Variants in DOCK9 observed in about 807,000 individuals in gnomAD.
DOCK9 encodes the protein dedicator of cytokinesis protein 9.
A neutral mutation model predicts 263.3 loss-of-function variants in DOCK9; 89 were observed. The ratio of observed to expected loss-of-function variants is 0.34; its 90% CI spans 0.28 to 0.40. The LOEUF (loss-of-function observed/expected upper bound fraction) is 0.40. Among genes scored for constraint, DOCK9 ranks in the 10% least tolerant of loss-of-function variants. The pLI, the probability that DOCK9 is intolerant of heterozygous loss-of-function variation, is 1.00. For synonymous variants in DOCK9, 976 were observed against 973.1 expected, an observed-to-expected ratio of 1.00 and a Z score of -0.06; for missense variants, 2,140 against 2,603.4, an observed-to-expected ratio of 0.82 and a Z score of 3.87.
chr13:98,875,419 T>C (rs1365165179), intron 27 of DOCK9, among the ~76,000 whole-genome samples: 1 of 152,254 alleles, frequency 6.6e-6, no homozygotes, highest in East Asian at 1.9e-4. Context: ...AGTTCTTTTC[T>C]TTTTCAATTT....
intron 6 of DOCK9, among the ~76,000 whole-genome samples, chr13:98,921,568 C>T (rs1364216759): frequency 3.9e-5 from 6 of 152,146 alleles, no homozygotes; most frequent in Admixed American, 2.6e-4. Flanking sequence ...CCTGATGTTC[C>T]TCTGGTCCCA....
In DOCK9 at chr13:98,837,576, T is replaced by A; in HGVS notation, c.4232A>T (p.Gln1411Leu). 2 of 1,613,776 alleles carry A rather than the reference T, an allele frequency of 1.2e-6. No individual in the cohort carries two copies. The highest frequency in any genetic ancestry group is 1.7e-6 in the Non-Finnish European group (2 of 1,179,774). ...YGHSDADVLHQSLLEANIATE... is the reference protein window; with the variant it reads ...YGHSDADVLHLSLLEANIATE... ...AGCAATGTTGGCTTCAAGTAATGACTGGTGCAGAACATCTGCGTCCGAGTG... is the reference window on the plus strand; with the variant it reads ...AGCAATGTTGGCTTCAAGTAATGACAGGTGCAGAACATCTGCGTCCGAGTG... The change falls in exon 39 of 53, where the codon CAG becomes CTG. Residue 1411 changes from glutamine (Q) to leucine (L), a missense_variant. This residue lies in a region of DOCK9 where 1,521 missense variants were observed against 1,741.7 expected (regional missense o/e 0.87). Transcript: ENST00000682017.
At position 98,885,962 on chromosome 13, in the gene DOCK9, T is replaced by A. The variant is rs556665505; in HGVS notation, c.2137-131A>T. 1.3e-4 allele frequency: 100 copies of A among 763,876 alleles called. 1 individual carries two copies. The highest frequency in any genetic ancestry group is 1.8e-4 in the Non-Finnish European group (94 of 517,266). The allele number at this position is 763,876 out of a possible 1,614,324, so 47.3% of individuals were successfully genotyped here. ...TCCGAGCGGATATTAACATTTGCAC[T>A]CAAAGATACTGAGACTATAAATTGT... On this transcript the variant is annotated intron_variant, in intron 19 of 52. Transcript: ENST00000682017.
chr13:98,918,080 T>C (rs1051191198), intron 7 of DOCK9, among the ~76,000 whole-genome samples: 2 of 152,222 alleles, frequency 1.3e-5, no homozygotes, highest in Admixed American at 6.5e-5. Context: ...CCCACCATCA[T>C]TGCTAGAAAA....
At chr13:99,087,408 C>T (rs2298283), upstream of DOCK9, among the ~76,000 whole-genome samples, 22,503 of 152,176 alleles carry the variant, frequency 0.15, 2,378 homozygotes, top group East Asian at 0.42. Context: ...GCTCAGGTGA[C>T]ACGGCGGCCC....
chr13:99,019,866 C>T (rs1251764801), intron 1 of DOCK9, among the ~76,000 whole-genome samples: 1 of 151,892 alleles, frequency 6.6e-6, no homozygotes, highest in African/African-American at 2.4e-5. Context: ...TTTGGGAGGC[C>T]GAGGCGGGCA....
chr13:99,062,946 G>T (rs2142304833), intron 1 of DOCK9, among the ~76,000 whole-genome samples: 2 of 152,326 alleles, frequency 1.3e-5, no homozygotes, highest in South Asian at 4.1e-4. Flanking sequence ...TACTCTGCGG[G>T]TGTTACCATT....
chr13:98,941,255 T>C (rs1397619684), intron 2 of DOCK9, among the ~76,000 whole-genome samples: 1 of 152,208 alleles, frequency 6.6e-6, no homozygotes, highest in East Asian at 1.9e-4. Flanking sequence ...AAGATGAATG[T>C]TGCTGAGTAA....
chr13:98,933,846 TCAG>T (rs2054350566), intron 2 of DOCK9, among the ~76,000 whole-genome samples: 2 of 151,710 alleles, frequency 1.3e-5, no homozygotes, highest in African/African-American at 4.9e-5. Context: ...GGAATGATGA[TCAG>T]TTATAAACCT....
intron 35 of DOCK9, among the ~76,000 whole-genome samples, chr13:98,850,760 T>G (rs1322098813): frequency 6.6e-6 from 1 of 152,250 alleles, no homozygotes; most frequent in African/African-American, 2.4e-5. Flanking sequence ...ACAGGATAAG[T>G]TCTCTGAAGC....
chr13:99,048,948 A>T (rs2040559362), intron 1 of DOCK9, among the ~76,000 whole-genome samples: 1 of 152,256 alleles, frequency 6.6e-6, no homozygotes. Context: ...AATGAATATA[A>T]TAATAATAAA....
intron 1 of DOCK9, among the ~76,000 whole-genome samples, chr13:99,017,286 T>C (rs1158324528): frequency 6.6e-6 from 1 of 152,124 alleles, no homozygotes; most frequent in South Asian, 2.1e-4. Flanking sequence ...ACCCAGAAAC[T>C]GAATATTGGA....
At chr13:98,868,776 A>T (rs1217067814) in intron 27 of DOCK9, among the ~76,000 whole-genome samples, 1 of 152,216 alleles carries the variant, frequency 6.6e-6, no homozygotes, top group Non-Finnish European at 1.5e-5. Flanking sequence ...AAAACCTCAG[A>T]GTCCTAGTCT....
intron 1 of DOCK9, among the ~76,000 whole-genome samples, chr13:99,034,389 A>C (rs1312766382): frequency 6.6e-6 from 1 of 152,202 alleles, no homozygotes; most frequent in African/African-American, 2.4e-5. Flanking sequence ...TACTGTGTTT[A>C]CTAATCATCT....
At chr13:99,057,100 A>G (rs74111945) in intron 1 of DOCK9, among the ~76,000 whole-genome samples, 4,200 of 152,310 alleles carry the variant, frequency 0.028, 180 homozygotes, top group African/African-American at 0.096. Context: ...AGCAGCCGAG[A>G]TAAGAGAGGA....
At chr13:99,016,920 G>A (rs139971941) in intron 1 of DOCK9, among the ~76,000 whole-genome samples, 110 of 152,256 alleles carry the variant, frequency 7.2e-4, no homozygotes, top group African/African-American at 2.3e-3. Flanking sequence ...GTAAACCCAC[G>A]CATGTAGTAA....
intron 35 of DOCK9, among the ~76,000 whole-genome samples, chr13:98,851,907 T>C (rs1410491903): frequency 6.6e-6 from 1 of 152,108 alleles, no homozygotes; most frequent in East Asian, 1.9e-4. Flanking sequence ...AAATTCTAAT[T>C]ATAAAGGGAA....
chr13:99,036,138 A>T (rs1887848627), intron 1 of DOCK9, among the ~76,000 whole-genome samples: 1 of 152,206 alleles, frequency 6.6e-6, no homozygotes, highest in African/African-American at 2.4e-5. Context: ...ACATGGATGT[A>T]TAATACATAC....
intron 27 of DOCK9, among the ~76,000 whole-genome samples, chr13:98,873,793 T>A (rs1042148098): frequency 6.6e-6 from 1 of 152,226 alleles, no homozygotes; most frequent in African/African-American, 2.4e-5. Context: ...CTTTCCTGTT[T>A]AACTCACTGT....
Sources: allele counts gnomAD v4.1 joint callset (sites outside exome capture counted in the v4.1 genomes callset), GRCh38; gene constraint gnomAD v4.1.1; regional missense constraint gnomAD v4.1.1; transcripts MANE v1.5; gene names NCBI Gene and HGNC (gene_info 2026-07-23, HGNC 2026-07-21).